Variants in PCDHGA4 observed in about 807,000 individuals in gnomAD.
PCDHGA4 encodes the protein protocadherin gamma subfamily A, 4.
PCDHGA4 carries 38 observed loss-of-function variants against 54.6 expected under a neutral mutation model. That is an observed-to-expected ratio of 0.70 (90% CI 0.54 to 0.91). The LOEUF (loss-of-function observed/expected upper bound fraction) is 0.91, where lower values mean the gene tolerates loss of function less well. Among genes scored for constraint, PCDHGA4 ranks in the 40% least tolerant of loss-of-function variants. PCDHGA4 has a pLI of 0.00. For missense variants in PCDHGA4, 1,298 were observed against 1,220.9 expected (o/e 1.06, Z -0.94); for synonymous variants, 511 against 512.9 (o/e 1.00, Z 0.05).
intron 1 of PCDHGA4, among the ~76,000 whole-genome samples, chr5:141,456,679 T>C (rs1357662868): frequency 2.0e-5 from 3 of 152,104 alleles, no homozygotes; most frequent in Non-Finnish European, 2.9e-5. Flanking sequence ...AAAAATGCAT[T>C]ACTGGCCAGG....
chr5:141,480,694 G>A (rs1446014656), intron 1 of PCDHGA4, among the ~76,000 whole-genome samples: 1 of 152,128 alleles, frequency 6.6e-6, no homozygotes, highest in Non-Finnish European at 1.5e-5. Flanking sequence ...TGAAACCCAG[G>A]CCACACCCCG....
rs1256615029 is a variant in PCDHGA4 at position 141,512,740 on chromosome 5, C to T, written c.*1567C>T. ...GCGGGTGGGCAGCGGGCGGCGGGCT[C>T]CGCGCAGCCGTCTGTCCTTGATCTG... On this transcript the variant is annotated 3_prime_UTR_variant, in exon 4 of 4. Transcript: ENST00000571252. 1 of 152,788 alleles carries T rather than the reference C, an allele frequency of 6.5e-6. No individual in the cohort carries two copies. The highest frequency in any genetic ancestry group is 1.5e-5 in the Non-Finnish European group (1 of 68,570). The allele number at this position is 152,788 out of a possible 1,614,324, so 9.5% of individuals were successfully genotyped here.
intron 1 of PCDHGA4, chr5:141,409,411 AC>A (rs1172458730): frequency 6.2e-7 from 1 of 1,614,004 alleles, no homozygotes; most frequent in African/African-American, 1.3e-5. Flanking sequence ...ACTACTACAA[AC>A]TGGTGACAGA....
chr5:141,419,248 AAAC>A (rs1229992972), intron 1 of PCDHGA4: 1 of 1,613,980 alleles, frequency 6.2e-7, no homozygotes, highest in Admixed American at 1.7e-5. Context: ...ACGTGCCAGA[AAAC>A]AACCAGCCGG....
chr5:141,458,922 G>A (rs747489537), intron 1 of PCDHGA4, among the ~76,000 whole-genome samples: 2 of 151,918 alleles, frequency 1.3e-5, no homozygotes, highest in East Asian at 1.9e-4. Flanking sequence ...TTGTGGAGAC[G>A]GGGTCTCACT....
intron 1 of PCDHGA4, among the ~76,000 whole-genome samples, chr5:141,453,999 A>C (rs1561953352): frequency 6.6e-6 from 1 of 152,258 alleles, no homozygotes; most frequent in South Asian, 2.1e-4. Flanking sequence ...ATAAACCCAC[A>C]TAACATTTTA....
chr5:141,370,397 G>A (rs752574370), intron 1 of PCDHGA4: 2 of 1,549,034 alleles, frequency 1.3e-6, no homozygotes, highest in African/African-American at 2.8e-5. Context: ...AGAGCGGGAT[G>A]GGAAATAGCT....
intron 1 of PCDHGA4, chr5:141,421,256 G>A (rs1205670837): frequency 1.2e-6 from 2 of 1,607,696 alleles, no homozygotes; most frequent in African/African-American, 1.3e-5. Flanking sequence ...CGCGGGGACC[G>A]CAGTCGGCTG....
At chr5:141,395,545 TGTGTGTGTGTGTG>T (rs1440813594) in intron 1 of PCDHGA4, 2 of 174,840 alleles carry the variant, frequency 1.1e-5, no homozygotes, top group Admixed American at 1.3e-4. Flanking sequence ...CTATTGTTTG[TGTGTGTGTGTGTG>T]TGTGTGTGTG....
chr5:141,391,847 A>T (rs1478301262), intron 1 of PCDHGA4: 1 of 152,232 alleles, frequency 6.6e-6, no homozygotes, highest in Non-Finnish European at 1.5e-5. Context: ...TGTAAAAGTC[A>T]AGTCTGCTTT....
intron 1 of PCDHGA4, chr5:141,430,780 C>G: frequency 6.6e-7 from 1 of 1,511,476 alleles, no homozygotes; most frequent in Non-Finnish European, 8.8e-7. Context: ...CGCGACTGCA[C>G]CGGGACTACA....
chr5:141,409,735 C>G lies in PCDHGA4; in HGVS notation c.2514+52114C>G, dbSNP rs763035733. Reference sequence around the variant, plus strand: ...CATACGTGTCAGTGAGCGCGCAGAGCGGGGTGGTGTTCGCGCAGCGCGCCT... The same window carrying G: ...CATACGTGTCAGTGAGCGCGCAGAGGGGGGTGGTGTTCGCGCAGCGCGCCT... On this transcript the variant is annotated intron_variant, in intron 1 of 3. Transcript: ENST00000571252. The G allele has an allele frequency of 3.7e-6, 6 of 1,613,006 alleles. No homozygotes were observed. The African/African-American group carries it at 8.0e-5, about 22-fold the overall frequency.
At chr5:141,423,169 C>G (rs747206648) in intron 1 of PCDHGA4, 2 of 1,613,460 alleles carry the variant, frequency 1.2e-6, no homozygotes, top group Admixed American at 3.3e-5. Context: ...GGTGGCCGTC[C>G]AGGACCACGG....
intron 1 of PCDHGA4, chr5:141,392,647 C>A: frequency 1.5e-6 from 1 of 685,816 alleles, no homozygotes; most frequent in Non-Finnish European, 2.3e-6. Flanking sequence ...CTCACGAAGA[C>A]CCGCAGATGC....
chr5:141,375,962 C>T (rs763635174), intron 1 of PCDHGA4: 3 of 1,613,226 alleles, frequency 1.9e-6, no homozygotes, highest in African/African-American at 2.7e-5. Flanking sequence ...GGGCGAGGTG[C>T]GCACGGCGCG....
chr5:141,491,810 G>T lies in PCDHGA4; in HGVS notation c.2515-2997G>T. 1 of 1,486,878 alleles carries T rather than the reference G, an allele frequency of 6.7e-7. No individual in the cohort carries two copies. The allele number at this position is 1,486,878 out of a possible 1,614,324, so 92.1% of individuals were successfully genotyped here. A position where few individuals can be genotyped will look rare whatever the true frequency, so the allele number is the denominator to read the frequency against. ...CCACTCCTCTCCGGCCGGCTTGGTC[G>T]CTGGCTGCGCTCCACCCGATTCTCG... On this transcript the variant is annotated intron_variant, in intron 1 of 3. Coordinates refer to ENST00000571252, the MANE Select transcript of PCDHGA4 (RefSeq NM_018917.4). This position sits in a 1 kb window ranked among gnomAD's most constrained non-coding sequence, Gnocchi z 6.9.
At chr5:141,378,584 A>T (rs1775030344) in intron 1 of PCDHGA4, 1 of 152,240 alleles carries the variant, frequency 6.6e-6, no homozygotes, top group Admixed American at 6.5e-5. Flanking sequence ...CATGCTCGGT[A>T]GTGTCTGCTT....
chr5:141,367,060 T>C lies in PCDHGA4; in HGVS notation c.2514+9439T>C, dbSNP rs1764930481. 3 of 310,714 alleles carry C rather than the reference T, an allele frequency of 9.7e-6. No individual in the cohort carries two copies. In the Admixed American group the frequency reaches 1.4e-4, roughly 15 times the overall value. 19.2% of individuals were successfully genotyped at this position (310,714 alleles called of 1,614,324 possible). On this transcript the variant is annotated intron_variant, in intron 1 of 3. Coordinates refer to ENST00000571252, the MANE Select transcript of PCDHGA4 (RefSeq NM_018917.4). ...TTCTATTAATAGAAAAGATGTTTTA[T>C]TTATTCAAATTGTTAGATATATTGT...
chr5:141,393,520 A>G, intron 1 of PCDHGA4: 2 of 1,614,038 alleles, frequency 1.2e-6, no homozygotes, highest in Non-Finnish European at 1.7e-6. Context: ...TTGGATACAA[A>G]TGACAATGCC....
Sources: gnomAD v4.1 joint callset for allele counts (sites outside exome capture counted in the v4.1 genomes callset) on GRCh38, gnomAD v4.1.1 for gene constraint, Gnocchi (gnomAD v3.1) non-coding constraint, MANE v1.5 for transcripts, NCBI Gene and HGNC (gene_info 2026-07-23, HGNC 2026-07-21) for gene names.